The following PRLR variants were observed in gnomAD, a reference collection of about 807,000 sequenced individuals.
The protein encoded by PRLR is hPRL receptor.
PRLR carries 13 observed loss-of-function variants against 40.2 expected under a neutral mutation model. The observed-to-expected ratio is 0.32, with a 90% CI of 0.21 to 0.51. The LOEUF (loss-of-function observed/expected upper bound fraction) is 0.51, where lower values mean the gene tolerates loss of function less well. Ranked by LOEUF, PRLR falls within the 20% of genes least tolerant of loss-of-function variation. The pLI, the probability that PRLR is intolerant of heterozygous loss-of-function variation, is 0.97. For synonymous variants in PRLR, 269 were observed against 278.7 expected, an observed-to-expected ratio of 0.97 and a Z score of 0.35; for missense variants, 656 against 747.3, an observed-to-expected ratio of 0.88 and a Z score of 1.42.
Position 35,072,648 on chromosome 5 carries a change from A to G in PRLR, c.470T>C (p.Ile157Thr), listed in dbSNP as rs1313113065. The G allele has an allele frequency of 1.2e-6, 2 of 1,614,162 alleles. No individual in the cohort carries two copies. The highest frequency in any genetic ancestry group is 1.3e-5 in the African/African-American group (1 of 75,060). The part of the protein sequence containing the change: ...LWIKWSPPTL[I>T]DLKTGWFTLL... Reference sequence around the variant, plus strand: ...CGTGAACCAACCAGTTTTTAAGTCAATCAGGGTAGGTGGAGACCATTTAAT... The same window carrying G: ...CGTGAACCAACCAGTTTTTAAGTCAGTCAGGGTAGGTGGAGACCATTTAAT... The change falls in exon 6 of 10, where the codon ATT becomes ACT. Residue 157 changes from isoleucine to threonine, a missense_variant. By Grantham distance (89) the Ile-to-Thr change is moderately conservative (BLOSUM62 -1). Around this residue, in one of 3 missense-constraint regions of PRLR, gnomAD observed 180 missense variants for 236.8 expected, o/e 0.76. Coordinates refer to ENST00000618457, the MANE Select transcript of PRLR (RefSeq NM_000949.7).
chr5:35,206,723 G>A (rs1314155970), intron 1 of PRLR, among the ~76,000 whole-genome samples: 1 of 151,752 alleles, frequency 6.6e-6, no homozygotes, highest in East Asian at 1.9e-4. Flanking sequence ...TAAAAAGAAG[G>A]GTGACGAGCT....
chr5:35,174,231 A>C (rs964027048), intron 1 of PRLR, among the ~76,000 whole-genome samples: 1 of 152,122 alleles, frequency 6.6e-6, no homozygotes, highest in South Asian at 2.1e-4. Context: ...CTGGGACTAC[A>C]GGCGTAGGCC....
intron 1 of PRLR, among the ~76,000 whole-genome samples, chr5:35,214,758 A>G (rs573459978): frequency 6.6e-6 from 1 of 152,186 alleles, no homozygotes; most frequent in Non-Finnish European, 1.5e-5. Context: ...GCTCATTCCT[A>G]TACATAGGCC....
intron 1 of PRLR, among the ~76,000 whole-genome samples, chr5:35,182,798 G>A (rs560646228): frequency 1.3e-5 from 2 of 152,276 alleles, no homozygotes; most frequent in African/African-American, 2.4e-5. Flanking sequence ...CACAAACCAC[G>A]CTCTTAACCT....
At position 35,228,216 on chromosome 5, in the gene PRLR, T is replaced by C. The variant is rs569041362; in HGVS notation, c.-106+2052A>G. 2.2e-3 allele frequency among the ~76,000 whole-genome samples: 296 copies of C among 132,034 alleles called. 1 individual carries two copies. Among genetic ancestry groups the C allele is most frequent in the Admixed American group, 2.6e-3 (31 of 11,864 alleles). 86.6% of individuals were successfully genotyped at this position (132,034 alleles called of 152,430 possible). ...TAGGCATGATTCATAGTATTTCCATTCTCCCAACAACCATGCAAAAAAAAA... is the reference window on the plus strand; with the variant it reads ...TAGGCATGATTCATAGTATTTCCATCCTCCCAACAACCATGCAAAAAAAAA... On this transcript the variant is annotated intron_variant, in intron 1 of 9. Coordinates refer to ENST00000618457, the MANE Select transcript of PRLR (RefSeq NM_000949.7).
intron 1 of PRLR, among the ~76,000 whole-genome samples, chr5:35,219,508 G>A (rs1341788195): frequency 2.6e-5 from 4 of 152,124 alleles, no homozygotes; most frequent in Non-Finnish European, 5.9e-5. Context: ...AAATGCTTGC[G>A]ATTATATTAG....
chr5:35,151,793 G>A (rs957700948), intron 1 of PRLR, among the ~76,000 whole-genome samples: 5 of 152,196 alleles, frequency 3.3e-5, no homozygotes, highest in African/African-American at 1.2e-4. Flanking sequence ...CAGTTTCCAA[G>A]CCATTTGAGT....
chr5:35,077,537 C>T (rs1456788492), intron 5 of PRLR, among the ~76,000 whole-genome samples: 1 of 139,700 alleles, frequency 7.2e-6, no homozygotes, highest in Non-Finnish European at 1.5e-5. Context: ...AATACAGGAG[C>T]ACCCAGATTC....
In PRLR at chr5:35,065,341, A is replaced by T; in HGVS notation, c.1617T>A (p.Thr539=). 1 of 1,614,136 alleles carries T rather than the reference A, an allele frequency of 6.2e-7. No homozygotes were observed. Among genetic ancestry groups the T allele is most frequent in the Non-Finnish European group, 8.5e-7 (1 of 1,180,026 alleles). Residue 539 remains threonine (T), a synonymous_variant, in exon 10 of 10, where the codon ACT becomes ACA. Coordinates refer to ENST00000618457, the MANE Select transcript of PRLR (RefSeq NM_000949.7). ...TGGCATACTCCTTATTGTTCTCAGG[A>T]GTCCCGGGCTTCTTGGGCTTGCCGC... ...ENSGKPKKPG[T]PENNKEYAKV...
chr5:35,113,623 T>C (rs1772833790), intron 2 of PRLR, among the ~76,000 whole-genome samples: 1 of 152,218 alleles, frequency 6.6e-6, no homozygotes, highest in South Asian at 2.1e-4. Flanking sequence ...GATGCAGGGG[T>C]AGGGTCCTAA....
Position 35,205,380 on chromosome 5 carries a change from A to T in PRLR, c.-106+24888T>A, listed in dbSNP as rs184656987. On this transcript the variant is annotated intron_variant, in intron 1 of 9. Coordinates refer to ENST00000618457, the MANE Select transcript of PRLR (RefSeq NM_000949.7). ...AACATTACCCATGTCACTGTAAACC[A>T]CAATTATTAGCCAATATATTATTTG... is the stretch of plus-strand genomic sequence containing the variant. Among the ~76,000 whole-genome samples, 16 of 152,258 alleles carry T rather than the reference A, an allele frequency of 1.1e-4. No individual in the cohort carries two copies. The East Asian group carries it at 3.1e-3, about 29-fold the overall frequency.
intron 1 of PRLR, among the ~76,000 whole-genome samples, chr5:35,131,611 G>A (rs1773681986): frequency 6.6e-6 from 1 of 152,142 alleles, no homozygotes; most frequent in African/African-American, 2.4e-5. Flanking sequence ...CACATTCCCT[G>A]GGACGGGCTG....
chr5:35,117,003 C>T (rs1269691280), intron 2 of PRLR, among the ~76,000 whole-genome samples: 1 of 152,120 alleles, frequency 6.6e-6, no homozygotes, highest in Non-Finnish European at 1.5e-5. Flanking sequence ...CTCCTTGGAA[C>T]TGTCTGGAGA....
In PRLR at chr5:35,059,952, C is replaced by G. The variant is rs249524; in HGVS notation, c.*5137G>C. The G allele has an allele frequency of 0.21, 31,455 of 152,192 alleles. 4,586 individuals carry two copies. The highest frequency in any genetic ancestry group is 0.41 in the African/African-American group (16,978 of 41,462). The allele number at this position is 152,192 out of a possible 1,614,324, so 9.4% of individuals were successfully genotyped here. On this transcript the variant is annotated 3_prime_UTR_variant, in exon 10 of 10. Coordinates refer to ENST00000618457, the MANE Select transcript of PRLR (RefSeq NM_000949.7). Reference sequence around the variant, plus strand: ...GGGCTCAAGCAATCCTCTGGCTTCACCTTCCCAAGTGTCTAGGACTACAGG... The same window carrying G: ...GGGCTCAAGCAATCCTCTGGCTTCAGCTTCCCAAGTGTCTAGGACTACAGG...
chr5:35,058,512 C>A lies in PRLR; in HGVS notation c.*6577G>T, dbSNP rs1561250293. The A allele has an allele frequency of 6.6e-6, 1 of 152,220 alleles. No homozygotes were observed. The highest frequency in any genetic ancestry group is 6.5e-5 in the Admixed American group (1 of 15,282). The allele number at this position is 152,220 out of a possible 1,614,324, so 9.4% of individuals were successfully genotyped here. On this transcript the variant is annotated 3_prime_UTR_variant, in exon 10 of 10. Coordinates refer to ENST00000618457, the MANE Select transcript of PRLR (RefSeq NM_000949.7). ...GTTGGATTGTACTTTAAATGTGTAA[C>A]ACCCCAGAGCAGCTGTACAATGAAT...
intron 1 of PRLR, among the ~76,000 whole-genome samples, chr5:35,164,714 C>A (rs1233790874): frequency 1.3e-5 from 2 of 151,890 alleles, no homozygotes; most frequent in African/African-American, 4.8e-5. Flanking sequence ...ACTGTGTGTA[C>A]AATGAAATGG....
At chr5:35,162,994 A>T (rs969356166) in intron 1 of PRLR, among the ~76,000 whole-genome samples, 14 of 152,174 alleles carry the variant, frequency 9.2e-5, no homozygotes, top group African/African-American at 3.1e-4. Context: ...TGAGACAGCC[A>T]GGTGGGAAGG....
intron 1 of PRLR, among the ~76,000 whole-genome samples, chr5:35,205,188 C>T (rs191736942): frequency 2.0e-5 from 3 of 151,594 alleles, no homozygotes; most frequent in East Asian, 3.9e-4. Context: ...ATCTTAAAAC[C>T]GGAAAGGACT....
chr5:35,055,532 G>A (rs1768666434), downstream of PRLR, among the ~76,000 whole-genome samples: 1 of 150,576 alleles, frequency 6.6e-6, no homozygotes, highest in African/African-American at 2.4e-5. Context: ...AAATGTTTTC[G>A]CATATGTCTG....
Sources: allele counts gnomAD v4.1 joint callset (sites outside exome capture counted in the v4.1 genomes callset), GRCh38; gene constraint gnomAD v4.1.1; regional missense constraint gnomAD v4.1.1; transcripts MANE v1.5; gene names NCBI Gene and HGNC (gene_info 2026-07-23, HGNC 2026-07-21).